PTPRT: variants seen among roughly 807,000 people sequenced by gnomAD.
PTPRT encodes receptor-type tyrosine-protein phosphatase T.
Under a neutral mutation model 176.8 loss-of-function variants are expected in PTPRT, and 56 were observed. The ratio of observed to expected loss-of-function variants is 0.32; its 90% CI spans 0.26 to 0.40. PTPRT has a LOEUF of 0.40. PTPRT is among the 10% of genes least tolerant of loss of function. The pLI, the probability that PTPRT is intolerant of heterozygous loss-of-function variation, is 1.00. For synonymous variants in PTPRT, 783 were observed against 739.0 expected (o/e 1.06, Z -0.96); for missense variants, 1,540 against 1,908.2 (o/e 0.81, Z 3.60).
chr20:42,269,593 A>G (rs1024403181), intron 13 of PTPRT, among the ~76,000 whole-genome samples: 1 of 152,230 alleles, frequency 6.6e-6, no homozygotes, highest in Non-Finnish European at 1.5e-5. Context: ...AATGGCATAC[A>G]TTTATGTGAA....
intron 7 of PTPRT, among the ~76,000 whole-genome samples, chr20:42,581,530 T>C (rs564149104): frequency 1.5e-5 from 2 of 133,660 alleles, no homozygotes; most frequent in Non-Finnish European, 3.4e-5. Context: ...GGTGGCTGCA[T>C]AAAAAAAAAA....
At chr20:42,379,164 C>T (rs953785419) in intron 9 of PTPRT, among the ~76,000 whole-genome samples, 1 of 152,214 alleles carries the variant, frequency 6.6e-6, no homozygotes, top group African/African-American at 2.4e-5. Context: ...CAGTCTTGCT[C>T]CACAAAGTGC....
rs555123917 is a variant in PTPRT at position 42,098,647 on chromosome 20, C to A, written c.3715-95G>T. 28 of 1,510,522 alleles carry A rather than the reference C, an allele frequency of 1.9e-5. No homozygotes were observed. In the East Asian group the frequency reaches 5.9e-4, roughly 32 times the overall value. The allele number at this position is 1,510,522 out of a possible 1,614,324, so 93.6% of individuals were successfully genotyped here. A position where few individuals can be genotyped will look rare whatever the true frequency, so the allele number is the denominator to read the frequency against. Reference sequence around the variant, plus strand: ...TGGACTGAGGCCAGAGGCTCCAGAGCCTGCCAAATAGATTATACAAAACAC... The same window carrying A: ...TGGACTGAGGCCAGAGGCTCCAGAGACTGCCAAATAGATTATACAAAACAC... On this transcript the variant is annotated intron_variant, in intron 26 of 30. Transcript: ENST00000373187.
At position 42,080,287 on chromosome 20, in the gene PTPRT, C is replaced by T. The variant is rs909148029; in HGVS notation, c.*592G>A. On this transcript the variant is annotated 3_prime_UTR_variant, in exon 31 of 31. Transcript: ENST00000373187. ...GGAAGGGGTACAGAATGGTTGTGGG[C>T]GAAGCCCCATGCAGGTTAGGTGTGA... is the stretch of plus-strand genomic sequence containing the variant. 1.5e-4 allele frequency: 34 copies of T among 233,298 alleles called. No individual in the cohort carries two copies. The highest frequency in any genetic ancestry group is 6.2e-4 in the African/African-American group (28 of 45,478). The allele number at this position is 233,298 out of a possible 1,614,324, so 14.5% of individuals were successfully genotyped here.
intron 1 of PTPRT, among the ~76,000 whole-genome samples, chr20:43,034,954 CT>C (rs1986315305): frequency 6.6e-6 from 1 of 151,446 alleles, no homozygotes; most frequent in Admixed American, 6.6e-5. Flanking sequence ...TCTACCTATG[CT>C]TCAACACTTA....
chr20:42,097,205 A>AG (rs1985355688), intron 27 of PTPRT, among the ~76,000 whole-genome samples: 1 of 152,206 alleles, frequency 6.6e-6, no homozygotes, highest in South Asian at 2.1e-4. Flanking sequence ...ACCAAGACCC[A>AG]AGCTCCTTAG....
intron 1 of PTPRT, chr20:42,969,232 G>T (rs528902873): frequency 6.6e-6 from 1 of 152,262 alleles, no homozygotes; most frequent in Non-Finnish European, 1.5e-5. Flanking sequence ...CCACCTAGGG[G>T]TAGGATGGAA....
chr20:42,424,739 C>T (rs1203400715), intron 9 of PTPRT, among the ~76,000 whole-genome samples: 3 of 151,426 alleles, frequency 2.0e-5, no homozygotes, highest in African/African-American at 7.3e-5. Context: ...AGCCATGGCA[C>T]ATCTTTTTGT....
intron 7 of PTPRT, among the ~76,000 whole-genome samples, chr20:42,497,312 C>A (rs2071672723): frequency 6.6e-6 from 1 of 151,994 alleles, no homozygotes; most frequent in Non-Finnish European, 1.5e-5. Context: ...TTTTCCCCCC[C>A]AGAATAAGGC....
intron 9 of PTPRT, among the ~76,000 whole-genome samples, chr20:42,447,976 G>A (rs1208744692): frequency 6.6e-6 from 1 of 152,180 alleles, no homozygotes; most frequent in Non-Finnish European, 1.5e-5. Context: ...TTTTGTGGAT[G>A]AGGTCAGTTG....
intron 13 of PTPRT, among the ~76,000 whole-genome samples, 176 bp downstream of exon 13, chr20:42,282,313 A>G (rs2057153140): frequency 1.3e-5 from 2 of 152,112 alleles, no homozygotes; most frequent in East Asian, 3.8e-4. Flanking sequence ...TATTTTACGC[A>G]CTGTGCTACT....
At chr20:42,264,640 G>T (rs931931694) in intron 13 of PTPRT, among the ~76,000 whole-genome samples, 1 of 152,202 alleles carries the variant, frequency 6.6e-6, no homozygotes, top group South Asian at 2.1e-4. Flanking sequence ...TGGTCAAGGG[G>T]AACTAGAGGA....
chr20:42,609,224 T>C (rs947789848), intron 7 of PTPRT, among the ~76,000 whole-genome samples: 1 of 151,904 alleles, frequency 6.6e-6, no homozygotes, highest in South Asian at 2.1e-4. Flanking sequence ...CAGACACACA[T>C]GACCATGCCG....
At chr20:42,657,530 C>A (rs2075146252) in intron 7 of PTPRT, among the ~76,000 whole-genome samples, 1 of 152,124 alleles carries the variant, frequency 6.6e-6, no homozygotes, top group African/African-American at 2.4e-5. Context: ...TCTCCACATG[C>A]TTTATCTAGG....
chr20:42,286,022 T>C (rs1600782799), intron 12 of PTPRT, among the ~76,000 whole-genome samples: 1 of 151,820 alleles, frequency 6.6e-6, no homozygotes, highest in Non-Finnish European at 1.5e-5. Flanking sequence ...TAGAAATCAA[T>C]TTAACCAAGG....
intron 27 of PTPRT, among the ~76,000 whole-genome samples, chr20:42,092,981 T>G (rs960917904): frequency 3.3e-5 from 5 of 152,230 alleles, no homozygotes; most frequent in African/African-American, 1.2e-4. Context: ...GACTCTTATT[T>G]GTTTTAAAGG....
chr20:42,670,910 T>A (rs905475857), intron 7 of PTPRT, among the ~76,000 whole-genome samples: 2 of 152,086 alleles, frequency 1.3e-5, no homozygotes, highest in African/African-American at 4.8e-5. Flanking sequence ...GTTTTTGAGA[T>A]GAGGAGGAAA....
At chr20:42,152,448 G>C (rs1989178178) in intron 17 of PTPRT, among the ~76,000 whole-genome samples, 1 of 152,182 alleles carries the variant, frequency 6.6e-6, no homozygotes, top group Admixed American at 6.5e-5. Context: ...CAGCAAGATG[G>C]GGGTATTTGT....
At chr20:42,227,275 G>A (rs2056035695) in intron 15 of PTPRT, among the ~76,000 whole-genome samples, 2 of 152,270 alleles carry the variant, frequency 1.3e-5, no homozygotes, top group Non-Finnish European at 1.5e-5. Context: ...TGATGCAGTT[G>A]GAGCAGTGGC....
Sources: allele counts gnomAD v4.1 joint callset (sites outside exome capture counted in the v4.1 genomes callset), GRCh38; gene constraint gnomAD v4.1.1; transcripts MANE v1.5; gene names NCBI Gene and HGNC (gene_info 2026-07-23, HGNC 2026-07-21).